CFAP47: variants seen among roughly 807,000 people sequenced by gnomAD.
CFAP47 encodes cilia- and flagella-associated protein 47.
Under a neutral mutation model 148.1 loss-of-function variants are expected in CFAP47, and 29 were observed. The ratio of observed to expected loss-of-function variants is 0.20; its 90% CI spans 0.15 to 0.27. The LOEUF (loss-of-function observed/expected upper bound fraction) is 0.27, where lower values mean the gene tolerates loss of function less well. CFAP47 is among the 10% of genes least tolerant of loss of function. The pLI is 1.00. For synonymous variants in CFAP47, 664 were observed against 577.3 expected (o/e 1.15, Z -2.15); for missense variants, 1,872 against 1,697.5 (o/e 1.10, Z -1.81).
intron 25 of CFAP47, among the ~76,000 whole-genome samples, chrX:36,046,643 G>T (rs1937470363): frequency 9.0e-6 from 1 of 111,153 alleles, no homozygotes; most frequent in Admixed American, 9.6e-5. Flanking sequence ...AGGAATATTT[G>T]ATCATCTCAA....
In CFAP47 at chrX:35,926,007, C is replaced by G; in HGVS notation, c.250-10C>G. On this transcript the variant is annotated splice_polypyrimidine_tract_variant and intron_variant, in intron 1 of 63. Transcript: ENST00000378653. ...AAATGTATAATTTGACTCTCTTTCT[C>G]CCACTGAAGTTCAAACTGATGTTGA... The G allele has an allele frequency of 8.4e-7, 1 of 1,185,912 alleles. No homozygotes were observed. The highest frequency in any genetic ancestry group is 1.1e-6 in the Non-Finnish European group (1 of 880,197).
chrX:36,290,574 G>A (rs1340405098), intron 51 of CFAP47, among the ~76,000 whole-genome samples: 1 of 111,868 alleles, frequency 8.9e-6, no homozygotes, highest in Non-Finnish European at 1.9e-5. Flanking sequence ...TGTTATGGAG[G>A]GGTTAAAAGG....
At chrX:35,958,659 T>C (rs147195664) in intron 8 of CFAP47, among the ~76,000 whole-genome samples, 30 of 112,050 alleles carry the variant, frequency 2.7e-4, no homozygotes, top group Middle Eastern at 9.2e-3. Context: ...CATGTACTTA[T>C]TGTCCATTTG....
At chrX:36,372,163 C>A (rs1045581750) in intron 62 of CFAP47, among the ~76,000 whole-genome samples, 8 of 107,216 alleles carry the variant, frequency 7.5e-5, no homozygotes, top group African/African-American at 2.4e-4. Flanking sequence ...AGCTGAGTCT[C>A]CATTTATTTC....
intron 35 of CFAP47, chrX:36,144,598 G>T (rs1482153445): frequency 8.8e-6 from 9 of 1,026,171 alleles, no homozygotes; most frequent in Non-Finnish European, 1.0e-5. Flanking sequence ...ATGGATGCAG[G>T]AGTCAGTGGC....
intron 11 of CFAP47, 115 bp from the exon 12 acceptor site, chrX:35,971,471 G>T: frequency 2.2e-6 from 1 of 457,017 alleles, no homozygotes. Flanking sequence ...GTCTGGTTAA[G>T]TGGATATGAG....
chrX:36,176,134 A>G (rs1939676014), intron 39 of CFAP47, among the ~76,000 whole-genome samples: 1 of 112,991 alleles, frequency 8.9e-6, no homozygotes, highest in African/African-American at 3.2e-5. Flanking sequence ...TTCCCGAGTG[A>G]GGCAATGCCT....
rs186872798 is a variant in CFAP47, at chrX:36,233,911, A to T, written c.7015-2023A>T. On this transcript the variant is annotated intron_variant, in intron 46 of 63. Transcript: ENST00000378653. ...CTGGATATGAAATTTTGGGTTGAAAATTCTTTTTCTTTAAGAATGTTGAAT... is the reference window on the plus strand; with the variant it reads ...CTGGATATGAAATTTTGGGTTGAAATTTCTTTTTCTTTAAGAATGTTGAAT... Among the ~76,000 whole-genome samples the T allele has an allele frequency of 1.7e-3, 193 of 111,166 alleles. 2 individuals carry two copies. The highest frequency in any genetic ancestry group is 0.014 in the Middle Eastern group (3 of 215).
chrX:36,243,234 A>C (rs1228725324), intron 48 of CFAP47, among the ~76,000 whole-genome samples: 1 of 111,355 alleles, frequency 9.0e-6, no homozygotes, highest in Non-Finnish European at 1.9e-5. Flanking sequence ...AAACACACTT[A>C]AGCACATAGC....
In CFAP47 at chrX:35,997,295, T is replaced by C. The variant is rs186388027; in HGVS notation, c.3100-17T>C. 2.4e-5 allele frequency: 7 copies of C among 292,370 alleles called. No individual in the cohort carries two copies. Among genetic ancestry groups the C allele is most frequent in the Non-Finnish European group, 4.2e-5 (7 of 167,440 alleles). The allele number at this position is 292,370 out of a possible 1,213,427, so 24.1% of individuals were successfully genotyped here. On this transcript the variant is annotated splice_polypyrimidine_tract_variant and intron_variant, in intron 18 of 63. Coordinates refer to ENST00000378653, the MANE Select transcript of CFAP47 (RefSeq NM_001304548.2). ...TTTAATGTGGTTTCTACAAAGTTTT[T>C]ATTTCTCCTAAATAAGGTTTCTATT...
chrX:35,977,220 A>G (rs1336237584), intron 15 of CFAP47, among the ~76,000 whole-genome samples: 1 of 111,699 alleles, frequency 9.0e-6, no homozygotes, highest in Non-Finnish European at 1.9e-5. Flanking sequence ...TGGAAAGTAA[A>G]ACAGACTTTG....
Position 36,039,138 on chromosome X carries a change from A to C in CFAP47, c.3966A>C (p.Thr1322=). Residue 1322 remains threonine, a synonymous_variant, in exon 25 of 64, where the codon ACA becomes ACC. Transcript: ENST00000378653. ...IFFTPVPLDI[T]TVMDINILPQ... is the part of the protein sequence containing the mutation. The stretch of plus-strand genomic sequence containing the variant: ...TCACTCCTGTTCCTTTGGATATAAC[A>C]ACTGTAATGGATATCAACATTTTAC... 1 of 1,091,776 alleles carries C rather than the reference A, an allele frequency of 9.2e-7. No homozygotes were observed. The highest frequency in any genetic ancestry group is 3.4e-5 in the East Asian group (1 of 29,658). The allele number at this position is 1,091,776 out of a possible 1,213,427, so 90.0% of individuals were successfully genotyped here.
chrX:36,130,911 G>T (rs1938936082), intron 33 of CFAP47, among the ~76,000 whole-genome samples: 1 of 110,889 alleles, frequency 9.0e-6, no homozygotes, highest in African/African-American at 3.3e-5. Flanking sequence ...GTAGAAGAAT[G>T]GTTACCATGG....
At chrX:36,204,389 T>G (rs782468804) in intron 44 of CFAP47, among the ~76,000 whole-genome samples, 5 of 107,514 alleles carry the variant, frequency 4.7e-5, no homozygotes, top group African/African-American at 1.7e-4. Context: ...TGAGAACACA[T>G]GGACACAGGA....
chrX:36,225,346 C>T (rs782670673), intron 45 of CFAP47, among the ~76,000 whole-genome samples: 1 of 111,569 alleles, frequency 9.0e-6, no homozygotes, highest in Non-Finnish European at 1.9e-5. Context: ...CCTTGAAGAC[C>T]AAGTTTGAAT....
chrX:36,026,609 A>G (rs1237997201), intron 22 of CFAP47, among the ~76,000 whole-genome samples: 1 of 111,337 alleles, frequency 9.0e-6, no homozygotes, highest in African/African-American at 3.3e-5. Context: ...TAATAGTTAC[A>G]TAGATACAAA....
intron 42 of CFAP47, among the ~76,000 whole-genome samples, chrX:36,199,532 C>T (rs1555987664): frequency 8.9e-6 from 1 of 111,978 alleles, no homozygotes; most frequent in African/African-American, 3.2e-5. Flanking sequence ...GACTTACTTC[C>T]AGGTCGCCTT....
chrX:36,156,258 T>G (rs1435949231), intron 37 of CFAP47, among the ~76,000 whole-genome samples: 1 of 110,994 alleles, frequency 9.0e-6, no homozygotes, highest in African/African-American at 3.3e-5. Context: ...AGATATTATA[T>G]AATTATATAT....
At chrX:36,071,314 T>C in intron 27 of CFAP47, among the ~76,000 whole-genome samples, 1 of 112,316 alleles carries the variant, frequency 8.9e-6, no homozygotes, top group Non-Finnish European at 1.9e-5. Flanking sequence ...CAGTCCCTAA[T>C]ATACATATAT....
Sources: gnomAD v4.1 joint callset for allele counts (sites outside exome capture counted in the v4.1 genomes callset) on GRCh38, gnomAD v4.1.1 for gene constraint, MANE v1.5 for transcripts, NCBI Gene and HGNC (gene_info 2026-07-23, HGNC 2026-07-21) for gene names.